The following RADIL variants were observed in gnomAD, a reference collection of about 807,000 sequenced individuals.
RADIL encodes the protein Rap associating with DIL domain, also known as ras-associating and dilute domain-containing protein.
Under a neutral mutation model 97.6 loss-of-function variants are expected in RADIL, and 99 were observed. The observed-to-expected ratio is 1.01, with a 90% CI of 0.86 to 1.20. The LOEUF is 1.20. Ranked by LOEUF, RADIL falls within the 50% of genes most tolerant of loss-of-function variation. RADIL has a pLI of 0.00. For missense variants in RADIL, 1,765 were observed against 1,498.9 expected (o/e 1.18, Z -2.93); for synonymous variants, 803 against 691.8 (o/e 1.16, Z -2.52).
intron 2 of RADIL, among the ~76,000 whole-genome samples, chr7:4,847,676 CTGA>C (rs1281267055): frequency 5.6e-5 from 7 of 125,788 alleles, no homozygotes; most frequent in African/African-American, 1.9e-4. Flanking sequence ...GAACAAAATA[CTGA>C]TGATACCTCT....
rs1027050217 is a variant in RADIL at position 4,879,455 on chromosome 7, G to T, written c.-64-1252C>A. On this transcript the variant is annotated intron_variant, in intron 1 of 14. Transcript: ENST00000399583. The surrounding 1 kb of genome is among the most constrained non-coding windows in gnomAD (Gnocchi z 4.1). ...CTCCCCATTACTGTACCCCACTTCC[G>T]TGCTCATGTTCTCACCAAAGACAAA... Among the ~76,000 whole-genome samples the T allele has an allele frequency of 2.0e-5, 3 of 152,180 alleles. No individual in the cohort carries two copies. The highest frequency in any genetic ancestry group is 6.6e-5 in the Admixed American group (1 of 15,260).
rs1784281241 is a variant in RADIL at position 4,872,618 on chromosome 7, C to T, written c.535+4987G>A. Among the ~76,000 whole-genome samples, 1 of 152,178 alleles carries T rather than the reference C, an allele frequency of 6.6e-6. No homozygotes were observed. The highest frequency in any genetic ancestry group is 2.4e-5 in the African/African-American group (1 of 41,460). On this transcript the variant is annotated intron_variant, in intron 2 of 14. Coordinates refer to ENST00000399583, the MANE Select transcript of RADIL (RefSeq NM_018059.5). The surrounding 1 kb of genome is among the most constrained non-coding windows in gnomAD (Gnocchi z 5.8). Reference sequence around the variant, plus strand: ...AAAGGGGAGTGAGAGCCACTTCCAGCCCGGCCATACCTCCAGCACCAGCCT... The same window carrying T: ...AAAGGGGAGTGAGAGCCACTTCCAGTCCGGCCATACCTCCAGCACCAGCCT...
At chr7:4,853,035 A>T (rs1021919029) in intron 2 of RADIL, among the ~76,000 whole-genome samples, 4 of 152,106 alleles carry the variant, frequency 2.6e-5, no homozygotes, top group Non-Finnish European at 5.9e-5. Context: ...GATTAAGATG[A>T]TGAGATTTTA....
intron 2 of RADIL, chr7:4,860,566 T>A: frequency 1.9e-6 from 3 of 1,614,242 alleles, no homozygotes; most frequent in Non-Finnish European, 8.5e-7. Context: ...GATTCACATG[T>A]GCCAGTGTAA....
At chr7:4,800,134 CA>C (rs1733181560) in intron 13 of RADIL, 36 bp downstream of exon 13, 1 of 1,582,874 alleles carries the variant, frequency 6.3e-7, no homozygotes, top group Non-Finnish European at 8.5e-7. Context: ...GCCAGGCAGC[CA>C]GTATGGGGGT....
chr7:4,853,367 C>G (rs141391590), intron 2 of RADIL, among the ~76,000 whole-genome samples: 283 of 152,312 alleles, frequency 1.9e-3, no homozygotes, highest in African/African-American at 6.2e-3. Flanking sequence ...CTCACCTAAA[C>G]ACATGGGCCT....
rs561080614 is a variant in RADIL, at chr7:4,882,178, G to A, written c.-65+1418C>T. The A allele has an allele frequency of 7.2e-5, 11 of 152,364 alleles. No individual in the cohort carries two copies. The East Asian group carries it at 1.7e-3, about 24-fold the overall frequency. 9.4% of individuals were successfully genotyped at this position (152,364 alleles called of 1,614,324 possible). On this transcript the variant is annotated intron_variant, in intron 1 of 14. Transcript: ENST00000399583. ...TCATCCTCCCTTGGCCAGACCAGAGGGTGCCCACTTGTTCACACGCTGCCC... is the reference window on the plus strand; with the variant it reads ...TCATCCTCCCTTGGCCAGACCAGAGAGTGCCCACTTGTTCACACGCTGCCC...
At chr7:4,864,998 C>G (rs962909767) in intron 2 of RADIL, among the ~76,000 whole-genome samples, 3 of 152,206 alleles carry the variant, frequency 2.0e-5, no homozygotes, top group African/African-American at 7.2e-5. Flanking sequence ...GCAACTTTCC[C>G]CTCTGCACCA....
At chr7:4,843,769 A>C (rs1242637034) in intron 2 of RADIL, among the ~76,000 whole-genome samples, 2 of 152,154 alleles carry the variant, frequency 1.3e-5, no homozygotes, top group Admixed American at 1.3e-4. Context: ...AAAATTAGCC[A>C]GGCATGGTGG....
intron 2 of RADIL, among the ~76,000 whole-genome samples, chr7:4,839,311 C>T (rs1040058713): frequency 1.3e-5 from 2 of 152,134 alleles, no homozygotes; most frequent in South Asian, 2.1e-4. Flanking sequence ...CTTCTTAGTA[C>T]TGATTTCTAA....
chr7:4,833,821 CT>C (rs1168785094), intron 4 of RADIL, among the ~76,000 whole-genome samples: 1 of 152,136 alleles, frequency 6.6e-6, no homozygotes, highest in Non-Finnish European at 1.5e-5. Context: ...TGTGTGATGC[CT>C]GTTCCAGCAC....
rs563577097 is a variant in RADIL, at chr7:4,878,769, G to A, written c.-64-566C>T. On this transcript the variant is annotated intron_variant, in intron 1 of 14. Transcript: ENST00000399583. The surrounding 1 kb of genome is among the most constrained non-coding windows in gnomAD (Gnocchi z 4.1). Reference sequence around the variant, plus strand: ...ATTTCTGGAAAGTGCTGGGCGCAGCGCCCGTGTGCAGTGAGCATCAAGGAG... The same window carrying A: ...ATTTCTGGAAAGTGCTGGGCGCAGCACCCGTGTGCAGTGAGCATCAAGGAG... Among the ~76,000 whole-genome samples, 29 of 152,336 alleles carry A rather than the reference G, an allele frequency of 1.9e-4. No homozygotes were observed. Among genetic ancestry groups the A allele is most frequent in the African/African-American group, 6.7e-4 (28 of 41,594 alleles).
At chr7:4,862,816 G>A (rs1030477591) in intron 2 of RADIL, among the ~76,000 whole-genome samples, 10 of 151,752 alleles carry the variant, frequency 6.6e-5, no homozygotes, top group Middle Eastern at 3.4e-3. Flanking sequence ...AGAATTGCTT[G>A]AACCTGAGAG....
At chr7:4,862,348 C>A (rs892232452) in intron 2 of RADIL, among the ~76,000 whole-genome samples, 1 of 152,180 alleles carries the variant, frequency 6.6e-6, no homozygotes, top group African/African-American at 2.4e-5. Context: ...GGTGGGAACC[C>A]GCGGTGGAAA....
chr7:4,852,808 G>T (rs552167521), intron 2 of RADIL, among the ~76,000 whole-genome samples: 21 of 152,214 alleles, frequency 1.4e-4, no homozygotes, highest in Non-Finnish European at 2.6e-4. Flanking sequence ...CTCCCAAAGT[G>T]CTGGGATTAC....
Position 4,861,803 on chromosome 7 carries a change from G to A in RADIL, c.535+15802C>T, listed in dbSNP as rs752931444. 2.9e-6 allele frequency: 4 copies of A among 1,394,892 alleles called. No individual in the cohort carries two copies. The highest frequency in any genetic ancestry group is 5.1e-5 in the East Asian group (2 of 39,118). The allele number at this position is 1,394,892 out of a possible 1,614,324, so 86.4% of individuals were successfully genotyped here. ...TGGTCCCTGGGTTGTCACCGGAAAC[G>A]GCATCATCTTTCAGCGCCCGCCCCG... On this transcript the variant is annotated intron_variant, in intron 2 of 14. Coordinates refer to ENST00000399583, the MANE Select transcript of RADIL (RefSeq NM_018059.5).
intron 13 of RADIL, 56 bp downstream of exon 13, chr7:4,800,113 GAA>G (rs1782030723): frequency 6.4e-7 from 1 of 1,556,760 alleles, no homozygotes; most frequent in African/African-American, 1.4e-5. Flanking sequence ...AGGCTTGCAT[GAA>G]CAGGCGGGGC....
chr7:4,811,955 A>C (rs1782560715), intron 9 of RADIL, among the ~76,000 whole-genome samples: 1 of 151,130 alleles, frequency 6.6e-6, no homozygotes, highest in Admixed American at 6.6e-5. Context: ...ACTCACTGAA[A>C]CCTCAGTCTC....
intron 5 of RADIL, among the ~76,000 whole-genome samples, chr7:4,823,706 A>T (rs889641991): frequency 7.2e-5 from 11 of 151,906 alleles, no homozygotes; most frequent in African/African-American, 2.7e-4. Flanking sequence ...GAGCTCCCAA[A>T]CCCTTTCTCC....
Sources: gnomAD v4.1 joint callset for allele counts (sites outside exome capture counted in the v4.1 genomes callset) on GRCh38, gnomAD v4.1.1 for gene constraint, Gnocchi (gnomAD v3.1) non-coding constraint, MANE v1.5 for transcripts, NCBI Gene and HGNC (gene_info 2026-07-23, HGNC 2026-07-21) for gene names.